The following CTNNA2 variants were observed in gnomAD, a reference collection of about 807,000 sequenced individuals.
CTNNA2 encodes the protein catenin alpha 2.
CTNNA2 carries 42 observed loss-of-function variants against 101.0 expected under a neutral mutation model. The observed-to-expected ratio is 0.42, with a 90% CI of 0.32 to 0.54. CTNNA2 has a LOEUF of 0.54. Among genes scored for constraint, CTNNA2 ranks in the 20% least tolerant of loss-of-function variants. The pLI is 0.14. For missense variants in CTNNA2, 871 were observed against 1,223.1 expected (o/e 0.71, Z 4.29); for synonymous variants, 450 against 456.4 (o/e 0.99, Z 0.18).
At chr2:80,229,164 G>GT (rs1222473483) in intron 7 of CTNNA2, among the ~76,000 whole-genome samples, 1 of 152,120 alleles carries the variant, frequency 6.6e-6, no homozygotes, top group Non-Finnish European at 1.5e-5. Flanking sequence ...ATTCATGCCA[G>GT]TACTACACTC....
chr2:79,250,561 G>A (rs567393672), intron 2 of CTNNA2, among the ~76,000 whole-genome samples: 57 of 152,294 alleles, frequency 3.7e-4, no homozygotes, highest in Non-Finnish European at 6.6e-4. Flanking sequence ...ACCCTTGAGC[G>A]AGACAGGTAG....
intron 18 of CTNNA2, among the ~76,000 whole-genome samples, 171 bp downstream of exon 18, chr2:80,619,399 G>A (rs1050964891): frequency 1.3e-5 from 2 of 151,906 alleles, no homozygotes; most frequent in Non-Finnish European, 2.9e-5. Context: ...AAATTCCACA[G>A]CACAGATATA....
intron 2 of CTNNA2, among the ~76,000 whole-genome samples, chr2:79,231,507 T>A (rs1406755995): frequency 6.6e-6 from 1 of 152,236 alleles, no homozygotes; most frequent in African/African-American, 2.4e-5. Context: ...TATGTGTTTA[T>A]CAGCAGTGTG....
At position 79,563,227 on chromosome 2, in the gene CTNNA2, G is replaced by A. The variant is rs530894742; in HGVS notation, c.-6+50020G>A. On this transcript the variant is annotated intron_variant, in intron 1 of 18. Transcript: ENST00000402739. ...CTCAGTACTATTTTCTATTTGATGT[G>A]CATATGATACATTTATAAATGCATA... Among the ~76,000 whole-genome samples the A allele has an allele frequency of 7.6e-4, 113 of 148,292 alleles. 1 individual carries two copies. In the South Asian group the frequency reaches 0.013, roughly 17 times the overall value.
intron 7 of CTNNA2, among the ~76,000 whole-genome samples, chr2:80,105,022 C>T (rs1199046442): frequency 1.3e-5 from 2 of 152,100 alleles, no homozygotes; most frequent in African/African-American, 4.8e-5. Context: ...AACAGTTTTA[C>T]AGTTTTGCTA....
chr2:80,619,378 A>T lies in CTNNA2; in HGVS notation c.2574+150A>T. 2.5e-6 allele frequency: 2 copies of T among 815,894 alleles called. 1 individual carries two copies. Among genetic ancestry groups the T allele is most frequent in the South Asian group, 7.9e-5 (2 of 25,226 alleles). The allele number at this position is 815,894 out of a possible 1,614,324, so 50.5% of individuals were successfully genotyped here. A position where few individuals can be genotyped will look rare whatever the true frequency, so the allele number is the denominator to read the frequency against. ...TGGGCAAAGGACTTATTTATTCTTTATGTGGGTCAGAAATTCCACAGCACA... is the reference window on the plus strand; with the variant it reads ...TGGGCAAAGGACTTATTTATTCTTTTTGTGGGTCAGAAATTCCACAGCACA... On this transcript the variant is annotated intron_variant, in intron 18 of 18. Transcript: ENST00000402739.
At chr2:79,564,328 A>G (rs918890720) in intron 1 of CTNNA2, among the ~76,000 whole-genome samples, 5 of 151,440 alleles carry the variant, frequency 3.3e-5, no homozygotes, top group Non-Finnish European at 2.9e-5. Flanking sequence ...ATAAATGTCA[A>G]TGGGAAACTC....
intron 7 of CTNNA2, among the ~76,000 whole-genome samples, chr2:79,910,051 C>T (rs1466269054): frequency 6.6e-6 from 1 of 152,100 alleles, no homozygotes; most frequent in African/African-American, 2.4e-5. Context: ...TGGCTGATTT[C>T]TTCTCGGTCA....
intron 18 of CTNNA2, among the ~76,000 whole-genome samples, chr2:80,628,147 A>T (rs756337414): frequency 1.1e-4 from 16 of 152,142 alleles, no homozygotes; most frequent in Admixed American, 2.0e-4. Flanking sequence ...TTCCATGCTC[A>T]TGGATAGGAA....
rs547019965 is a variant in CTNNA2 at position 79,737,204 on chromosome 2, C to G, written c.103-7183C>G. Among the ~76,000 whole-genome samples, 142 of 152,230 alleles carry G rather than the reference C, an allele frequency of 9.3e-4. 1 individual carries two copies. The highest frequency in any genetic ancestry group is 3.4e-3 in the Middle Eastern group (1 of 294). On this transcript the variant is annotated intron_variant, in intron 2 of 18. Transcript: ENST00000402739. ...CTCTACTAAAAATACAAAAAATTAGCTGGGCTTGGTGGCGGGTGCCTGTAA... is the reference window on the plus strand; with the variant it reads ...CTCTACTAAAAATACAAAAAATTAGGTGGGCTTGGTGGCGGGTGCCTGTAA...
intron 9 of CTNNA2, among the ~76,000 whole-genome samples, chr2:80,512,388 G>A (rs1431656167): frequency 6.6e-6 from 1 of 151,996 alleles, no homozygotes; most frequent in Non-Finnish European, 1.5e-5. Context: ...AAACTTCAAA[G>A]GAAAATGGTA....
chr2:79,624,026 T>C (rs983131420), intron 1 of CTNNA2, among the ~76,000 whole-genome samples: 2 of 151,968 alleles, frequency 1.3e-5, no homozygotes, highest in South Asian at 4.1e-4. Flanking sequence ...CTTTCCCCCA[T>C]GCTCTCTTTC....
chr2:80,458,382 T>C (rs1358008282), intron 9 of CTNNA2, among the ~76,000 whole-genome samples: 1 of 152,228 alleles, frequency 6.6e-6, no homozygotes, highest in Non-Finnish European at 1.5e-5. Context: ...ACTGTGCTTC[T>C]GTGTGTCAAA....
intron 1 of CTNNA2, among the ~76,000 whole-genome samples, chr2:79,568,520 C>G (rs935523389): frequency 1.3e-5 from 2 of 151,932 alleles, no homozygotes; most frequent in African/African-American, 4.8e-5. Context: ...GGAAATTGAA[C>G]CTGGGAAGCA....
intron 1 of CTNNA2, among the ~76,000 whole-genome samples, chr2:79,191,484 C>T (rs1340699099): frequency 6.6e-6 from 1 of 152,140 alleles, no homozygotes; most frequent in Non-Finnish European, 1.5e-5. Flanking sequence ...AGATACCCAC[C>T]CTAACCTTGG....
chr2:79,788,678 C>T (rs912588423), intron 3 of CTNNA2, among the ~76,000 whole-genome samples: 16 of 152,296 alleles, frequency 1.1e-4, no homozygotes, highest in Non-Finnish European at 1.6e-4. Context: ...CATATGTATA[C>T]ATGCACATAC....
chr2:79,673,725 T>C (rs946260214), intron 2 of CTNNA2, among the ~76,000 whole-genome samples: 6 of 152,244 alleles, frequency 3.9e-5, no homozygotes, highest in Admixed American at 2.0e-4. Context: ...TATGTGTGGT[T>C]CTAGCATTTC....
chr2:79,194,749 C>A (rs1673936621), intron 1 of CTNNA2, among the ~76,000 whole-genome samples: 1 of 152,142 alleles, frequency 6.6e-6, no homozygotes, highest in South Asian at 2.1e-4. Flanking sequence ...CCCTGGGCTG[C>A]CTCTACTTTC....
chr2:80,325,012 A>G (rs978535731), intron 7 of CTNNA2, among the ~76,000 whole-genome samples: 2 of 152,208 alleles, frequency 1.3e-5, no homozygotes, highest in African/African-American at 4.8e-5. Flanking sequence ...CTATGTATGT[A>G]TATTTCTCTC....
Sources: gnomAD v4.1 joint callset for allele counts (sites outside exome capture counted in the v4.1 genomes callset) on GRCh38, gnomAD v4.1.1 for gene constraint, MANE v1.5 for transcripts, NCBI Gene and HGNC (gene_info 2026-07-23, HGNC 2026-07-21) for gene names.